Variants in RMST observed in about 807,000 individuals in gnomAD.
RMST encodes the protein long intergenic non-protein coding RNA 54.
intron 5 of RMST, among the ~76,000 whole-genome samples, chr12:97,480,856 C>T (rs1476192555): frequency 6.6e-6 from 1 of 152,144 alleles, no homozygotes; most frequent in Non-Finnish European, 1.5e-5. Flanking sequence ...AAGTGTGTCA[C>T]CTCCTCCAAG....
At chr12:97,472,638 G>C (rs1232165986) in intron 5 of RMST, among the ~76,000 whole-genome samples, 1 of 151,968 alleles carries the variant, frequency 6.6e-6, no homozygotes. Flanking sequence ...TTATCTTTTG[G>C]TTGGGTAACT....
chr12:97,503,028 C>A (rs1878263520), intron 10 of RMST, among the ~76,000 whole-genome samples: 1 of 152,068 alleles, frequency 6.6e-6, no homozygotes, highest in Non-Finnish European at 1.5e-5. Flanking sequence ...TGTCATGTTC[C>A]TTGTGTCTGG....
At chr12:97,474,140 C>A (rs1157906718) in intron 5 of RMST, among the ~76,000 whole-genome samples, 2 of 152,028 alleles carry the variant, frequency 1.3e-5, no homozygotes, top group Non-Finnish European at 2.9e-5. Context: ...AGCAAAGGAC[C>A]AATTTTCCTG....
chr12:97,553,417 T>A (rs894305889), intron 11 of RMST, among the ~76,000 whole-genome samples: 4 of 152,194 alleles, frequency 2.6e-5, no homozygotes, highest in Non-Finnish European at 5.9e-5. Context: ...TGTGTGGTGC[T>A]GTTGAGCTGT....
chr12:97,514,940 T>TTGTGAAACCTTTTTTTGTG (rs1164006350), intron 10 of RMST, among the ~76,000 whole-genome samples: 2 of 152,196 alleles, frequency 1.3e-5, no homozygotes, highest in Admixed American at 6.5e-5. Context: ...GGTGCTGGTT[T>TTGTGAAACCTTTTTTTGTG]TGTGAAACCT....
chr12:97,467,778 A>G (rs1450696899), intron 5 of RMST, among the ~76,000 whole-genome samples: 10 of 151,898 alleles, frequency 6.6e-5, no homozygotes, highest in Non-Finnish European at 1.5e-4. Context: ...ATTGAATTTG[A>G]TGCTATTTAT....
intron 5 of RMST, chr12:97,491,946 C>G: frequency 3.7e-6 from 2 of 534,064 alleles, no homozygotes; most frequent in Non-Finnish European, 7.7e-6. Context: ...TCCTTCTGAA[C>G]AGAGCGCTTT....
chr12:97,512,346 C>G (rs1329312182), intron 10 of RMST, among the ~76,000 whole-genome samples: 1 of 152,126 alleles, frequency 6.6e-6, no homozygotes, highest in African/African-American at 2.4e-5. Context: ...AGAGAAAGAA[C>G]AAAGCTTCCA....
chr12:97,545,166 A>G (rs1417930395), intron 11 of RMST, among the ~76,000 whole-genome samples: 3 of 152,120 alleles, frequency 2.0e-5, no homozygotes, highest in South Asian at 2.1e-4. Flanking sequence ...TTCCTTTCAT[A>G]TACTGCATTA....
intron 10 of RMST, among the ~76,000 whole-genome samples, chr12:97,500,295 G>A (rs75911698): frequency 0.014 from 2,105 of 152,250 alleles, 18 homozygotes; most frequent in Non-Finnish European, 0.021. Flanking sequence ...GATCCTTTTG[G>A]AGAGCATCAG....
chr12:97,512,236 C>T (rs1429305282), intron 10 of RMST, among the ~76,000 whole-genome samples: 2 of 152,040 alleles, frequency 1.3e-5, no homozygotes, highest in Non-Finnish European at 2.9e-5. Flanking sequence ...GTTCATGGTC[C>T]CGCTGGCTTC....
chr12:97,493,247 A>G (rs1484262376), exon 7 of RMST: 1 of 152,638 alleles, frequency 6.6e-6, no homozygotes, highest in African/African-American at 2.4e-5. Flanking sequence ...ATTGGATCCC[A>G]TAGAACCACG....
At chr12:97,552,218 T>G (rs1284204463) in intron 11 of RMST, 1 of 152,194 alleles carries the variant, frequency 6.6e-6, no homozygotes, top group East Asian at 1.9e-4. Flanking sequence ...AAGAATCAGA[T>G]AAAATAGAAA....
chr12:97,560,263 T>A (rs1426100804), intron 11 of RMST, among the ~76,000 whole-genome samples: 6 of 152,158 alleles, frequency 3.9e-5, no homozygotes, highest in Non-Finnish European at 8.8e-5. Flanking sequence ...CCTTGTTCAT[T>A]CCAGTTTATA....
At chr12:97,553,048 G>A (rs545157195) in intron 11 of RMST, among the ~76,000 whole-genome samples, 2 of 152,052 alleles carry the variant, frequency 1.3e-5, no homozygotes, top group African/African-American at 4.8e-5. Flanking sequence ...ACTATTGCTG[G>A]GGATACATTT....
At chr12:97,536,328 C>T (rs1047007828) in intron 11 of RMST, among the ~76,000 whole-genome samples, 2 of 151,182 alleles carry the variant, frequency 1.3e-5, no homozygotes, top group African/African-American at 4.8e-5. Flanking sequence ...TTTTTTTCTC[C>T]TTTTCTTATG....
chr12:97,562,583 C>A (rs749294585), intron 13 of RMST, among the ~76,000 whole-genome samples: 5 of 152,100 alleles, frequency 3.3e-5, no homozygotes, highest in Non-Finnish European at 5.9e-5. Flanking sequence ...TATCATTTAA[C>A]CCTCACCTAA....
In RMST at chr12:97,543,548, T is replaced by C. The variant is rs565718758; in HGVS notation, n.1545+12689T>C. Among the ~76,000 whole-genome samples, 264 of 152,152 alleles carry C rather than the reference T, an allele frequency of 1.7e-3. 2 individuals carry two copies. Among genetic ancestry groups the C allele is most frequent in the Middle Eastern group, 6.8e-3 (2 of 294 alleles). On this transcript the variant is annotated intron_variant and non_coding_transcript_variant, in intron 11 of 13. Coordinates refer to ENST00000640149, the Ensembl canonical transcript of RMST. ...ATCATATTTAATTCCCTTCCCTTTG[T>C]GCTGAAGCTGGCATAATATGGAGGT...
intron 5 of RMST, among the ~76,000 whole-genome samples, chr12:97,466,247 T>C (rs1485695987): frequency 6.6e-6 from 1 of 152,176 alleles, no homozygotes; most frequent in African/African-American, 2.4e-5. Context: ...CAAGTAATCA[T>C]TGTGGCTTGA....
Sources: gnomAD v4.1 joint callset for allele counts (sites outside exome capture counted in the v4.1 genomes callset) on GRCh38, gnomAD v4.1.1 for gene constraint, MANE v1.5 for transcripts, NCBI Gene and HGNC (gene_info 2026-07-23, HGNC 2026-07-21) for gene names.